DISC1: variants seen among roughly 807,000 people sequenced by gnomAD.
The protein encoded by DISC1 is DISC1 scaffold protein, also known as disrupted in schizophrenia 1 protein.
DISC1 carries 57 observed loss-of-function variants against 84.5 expected under a neutral mutation model. The observed-to-expected ratio is 0.67, with a 90% CI of 0.55 to 0.84. The LOEUF (loss-of-function observed/expected upper bound fraction) is 0.84. Among genes scored for constraint, DISC1 ranks in the 40% least tolerant of loss-of-function variants. DISC1 has a pLI of 0.00. For missense variants in DISC1, 1,000 were observed against 1,057.8 expected (o/e 0.95, Z 0.76); for synonymous variants, 411 against 415.2 (o/e 0.99, Z 0.12).
chr1:231,770,735 G>T, intron 5 of DISC1, 100 bp from the exon 6 acceptor site: 1 of 1,544,582 alleles, frequency 6.5e-7, no homozygotes, highest in Non-Finnish European at 8.8e-7. Flanking sequence ...TGTAGTTCTG[G>T]TGCATATGGC....
At chr1:231,877,892 A>G (rs1484230245) in intron 9 of DISC1, among the ~76,000 whole-genome samples, 1 of 152,238 alleles carries the variant, frequency 6.6e-6, no homozygotes, top group African/African-American at 2.4e-5. Context: ...AAATTCAAAG[A>G]TATAAAATGA....
intron 9 of DISC1, among the ~76,000 whole-genome samples, chr1:231,838,816 C>G (rs927373192): frequency 3.9e-5 from 6 of 152,208 alleles, no homozygotes; most frequent in African/African-American, 1.4e-4. Flanking sequence ...ACCCTTGTCA[C>G]CGCCTGGCCT....
At chr1:231,813,858 TGTTTTTTCTTTGGAAG>T (rs1231083141) in intron 8 of DISC1, among the ~76,000 whole-genome samples, 1 of 152,138 alleles carries the variant, frequency 6.6e-6, no homozygotes, top group Non-Finnish European at 1.5e-5. Context: ...TCCTAGTATT[TGTTTTTTCTTTGGAAG>T]GCACCTTATC....
intron 10 of DISC1, among the ~76,000 whole-genome samples, chr1:231,976,645 C>G (rs370080066): frequency 6.6e-6 from 1 of 152,176 alleles, no homozygotes; most frequent in Non-Finnish European, 1.5e-5. Context: ...TTTTATAACC[C>G]CCGTATTGGG....
At chr1:231,836,820 C>T (rs1300577760) in intron 9 of DISC1, among the ~76,000 whole-genome samples, 1 of 152,186 alleles carries the variant, frequency 6.6e-6, no homozygotes, top group Non-Finnish European at 1.5e-5. Flanking sequence ...AGCCCCGCCC[C>T]GCCCCTCCCC....
intron 1 of DISC1, among the ~76,000 whole-genome samples, chr1:231,654,528 T>C (rs1228272024): frequency 6.6e-6 from 1 of 152,196 alleles, no homozygotes; most frequent in Non-Finnish European, 1.5e-5. Context: ...TATTATTAAC[T>C]ATAGTCACCA....
Position 231,906,019 on chromosome 1 carries a change from C to CTT in DISC1, c.1982-52789_1982-52788dup, listed in dbSNP as rs5781677. Among the ~76,000 whole-genome samples, 141 of 76,952 alleles carry CTT rather than the reference C, an allele frequency of 1.8e-3. 2 individuals carry two copies. The highest frequency in any genetic ancestry group is 8.2e-3 in the Admixed American group (47 of 5,720). 50.5% of individuals were successfully genotyped at this position (76,952 alleles called of 152,430 possible). A position where few individuals can be genotyped will look rare whatever the true frequency, so the allele number is the denominator to read the frequency against. On this transcript the variant is annotated intron_variant, in intron 9 of 12. Coordinates refer to ENST00000439617, the MANE Select transcript of DISC1 (RefSeq NM_018662.3). ...TAAAATGAATTCGCTGAGGTCATGG[C>CTT]TTTTTTTTTTTTTTTTTTTTTGAGA...
At chr1:231,882,581 T>C (rs1231981786) in intron 9 of DISC1, among the ~76,000 whole-genome samples, 1 of 152,200 alleles carries the variant, frequency 6.6e-6, no homozygotes, top group African/African-American at 2.4e-5. Flanking sequence ...TGAAACATAA[T>C]GTGTATCATG....
chr1:231,955,389 C>T (rs1267676238), intron 9 of DISC1, among the ~76,000 whole-genome samples: 1 of 152,152 alleles, frequency 6.6e-6, no homozygotes, highest in Non-Finnish European at 1.5e-5. Context: ...TCTTGTCTCC[C>T]CAAACCCATT....
Position 231,819,227 on chromosome 1 carries a change from A to C in DISC1, c.1981+710A>C, listed in dbSNP as rs1325860128. Reference sequence around the variant, plus strand: ...AACAAATGAAAGAAATATATATATGAATAAATGGCTATATTTTACAAAGTA... The same window carrying C: ...AACAAATGAAAGAAATATATATATGCATAAATGGCTATATTTTACAAAGTA... On this transcript the variant is annotated intron_variant, in intron 9 of 12. Coordinates refer to ENST00000439617, the MANE Select transcript of DISC1 (RefSeq NM_018662.3). The C allele has an allele frequency of 5.1e-6, 4 of 778,188 alleles. No individual in the cohort carries two copies. In the African/African-American group the frequency reaches 7.5e-5, roughly 15 times the overall value. 48.2% of individuals were successfully genotyped at this position (778,188 alleles called of 1,614,324 possible). A position where few individuals can be genotyped will look rare whatever the true frequency, so the allele number is the denominator to read the frequency against.
intron 1 of DISC1, among the ~76,000 whole-genome samples, chr1:231,627,851 T>C (rs2058388864): frequency 6.6e-6 from 1 of 152,194 alleles, no homozygotes. Flanking sequence ...TGCAAAGTGT[T>C]ATCATCAACT....
intron 2 of DISC1, among the ~76,000 whole-genome samples, chr1:231,695,720 G>A (rs1210108165): frequency 2.0e-5 from 3 of 152,092 alleles, no homozygotes; most frequent in Admixed American, 1.3e-4. Context: ...GTGTTTCTGC[G>A]TGTGGTGTGT....
At chr1:231,841,365 A>G (rs1194657356) in intron 9 of DISC1, among the ~76,000 whole-genome samples, 3 of 152,250 alleles carry the variant, frequency 2.0e-5, no homozygotes. Context: ...GGCACAAGCC[A>G]GGTGTGCACA....
At chr1:231,801,422 A>C (rs2125649000) in intron 8 of DISC1, among the ~76,000 whole-genome samples, 1 of 152,356 alleles carries the variant, frequency 6.6e-6, no homozygotes, top group Admixed American at 6.5e-5. Context: ...CAGCAGAGAT[A>C]GCCTCACTCC....
In DISC1 at chr1:231,710,353, AAAAC is replaced by A. The variant is rs374423557; in HGVS notation, c.1117+8348_1117+8351del. Among the ~76,000 whole-genome samples the A allele has an allele frequency of 1.2e-3, 186 of 152,274 alleles. No individual in the cohort carries two copies. The South Asian group carries it at 0.016, about 13-fold the overall frequency. On this transcript the variant is annotated intron_variant, in intron 3 of 12. Transcript: ENST00000439617. ...AGAGCAAGACCCTGTCTCAAAAACAAAAACAAACAAACAAACAAACAACTCAATA... is the reference window on the plus strand; with the variant it reads ...AGAGCAAGACCCTGTCTCAAAAACAAAAACAAACAAACAAACAACTCAATA...
At chr1:231,986,208 C>A (rs199622259) in intron 10 of DISC1, among the ~76,000 whole-genome samples, 1 of 152,170 alleles carries the variant, frequency 6.6e-6, no homozygotes, top group East Asian at 1.9e-4. Context: ...CTAATTCACC[C>A]CTCCCTGTCC....
intron 6 of DISC1, chr1:231,771,280 C>T (rs1332812845): frequency 2.0e-6 from 2 of 983,668 alleles, no homozygotes; most frequent in South Asian, 4.7e-5. Context: ...GGCCACTTAA[C>T]CCACTAAATG....
At chr1:231,866,239 G>A (rs569641414) in intron 9 of DISC1, among the ~76,000 whole-genome samples, 3 of 152,166 alleles carry the variant, frequency 2.0e-5, no homozygotes, top group Non-Finnish European at 2.9e-5. Flanking sequence ...ACAGAAACCC[G>A]GGCCCTAGAG....
chr1:231,735,426 C>T (rs780120508), intron 3 of DISC1, among the ~76,000 whole-genome samples: 28 of 151,996 alleles, frequency 1.8e-4, no homozygotes, highest in Non-Finnish European at 3.2e-4. Context: ...AAGAGGTGGA[C>T]GTGGTGGAAA....
Sources: gnomAD v4.1 joint callset for allele counts (sites outside exome capture counted in the v4.1 genomes callset) on GRCh38, gnomAD v4.1.1 for gene constraint, MANE v1.5 for transcripts, NCBI Gene and HGNC (gene_info 2026-07-23, HGNC 2026-07-21) for gene names.